STK38: variants seen among roughly 807,000 people sequenced by gnomAD.
The protein encoded by STK38 is serine/threonine-protein kinase 38.
Under a neutral mutation model 59.0 loss-of-function variants are expected in STK38, and 26 were observed. That is an observed-to-expected ratio of 0.44 (90% CI 0.32 to 0.61). The LOEUF (loss-of-function observed/expected upper bound fraction) is 0.61, where lower values mean the gene tolerates loss of function less well. STK38 is among the 20% of genes least tolerant of loss of function. STK38 has a pLI of 0.04. For synonymous variants in STK38, 175 were observed against 176.6 expected, an observed-to-expected ratio of 0.99 and a Z score of 0.07; for missense variants, 433 against 566.0, an observed-to-expected ratio of 0.76 and a Z score of 2.38.
intron 5 of STK38, 37 bp downstream of exon 5, chr6:36,521,697 T>C (rs1777378852): frequency 5.4e-6 from 8 of 1,492,138 alleles, no homozygotes; most frequent in South Asian, 1.4e-5. Flanking sequence ...GAGACAAAAA[T>C]TAATAAGCTA....
chr6:36,503,621 C>G (rs1304362268), intron 9 of STK38, among the ~76,000 whole-genome samples: 1 of 152,100 alleles, frequency 6.6e-6, no homozygotes, highest in East Asian at 1.9e-4. Flanking sequence ...GAGGTTTACT[C>G]TACCAAAGAT....
chr6:36,507,178 G>C (rs1776983641), intron 8 of STK38, among the ~76,000 whole-genome samples: 1 of 150,182 alleles, frequency 6.7e-6, no homozygotes, highest in Admixed American at 6.6e-5. Context: ...GACAAATCTA[G>C]CCCAGGACAA....
intron 9 of STK38, among the ~76,000 whole-genome samples, 161 bp downstream of exon 9, chr6:36,506,422 T>C (rs62402200): frequency 0.024 from 3,631 of 152,306 alleles, 49 homozygotes; most frequent in Non-Finnish European, 0.027. Flanking sequence ...CTTCAAAAGA[T>C]TCCTTTCGGT....
At chr6:36,513,472 G>A (rs932903357) in intron 7 of STK38, among the ~76,000 whole-genome samples, 4 of 150,676 alleles carry the variant, frequency 2.7e-5, no homozygotes, top group Non-Finnish European at 4.4e-5. Context: ...ACTCCACCAC[G>A]CCCAGCTGAT....
Position 36,545,334 on chromosome 6 carries a change from C to T in STK38, c.-6+1856G>A, listed in dbSNP as rs570984136. ...AAAAAAAGAATAAAGACTACATTTA[C>T]ACTGATGGATATATCAAAAATGCTT... On this transcript the variant is annotated intron_variant, in intron 1 of 13. Transcript: ENST00000229812. 5.0e-5 allele frequency among the ~76,000 whole-genome samples: 7 copies of T among 139,222 alleles called. No homozygotes were observed. The South Asian group carries it at 9.7e-4, about 19-fold the overall frequency. The allele number at this position is 139,222 out of a possible 152,430, so 91.3% of individuals were successfully genotyped here. A position where few individuals can be genotyped will look rare whatever the true frequency, so the allele number is the denominator to read the frequency against.
At chr6:36,501,547 ATT>A (rs757800622) in intron 9 of STK38, among the ~76,000 whole-genome samples, 8 of 137,498 alleles carry the variant, frequency 5.8e-5, no homozygotes, top group African/African-American at 2.0e-4. Context: ...GTCTCAGATC[ATT>A]TGTCTTTTTT....
chr6:36,498,306 A>G, intron 11 of STK38, 57 bp downstream of exon 11: 1 of 1,572,248 alleles, frequency 6.4e-7, no homozygotes. Context: ...TTTTAAAAAA[A>G]TGGAATCATT....
Position 36,517,765 on chromosome 6 carries a change from A to C in STK38, c.466T>G (p.Phe156Val). 6.2e-7 allele frequency: 1 copy of C among 1,614,148 alleles called. No individual in the cohort carries two copies. The highest frequency in any genetic ancestry group is 8.5e-7 in the Non-Finnish European group (1 of 1,179,998). The stretch of plus-strand genomic sequence containing the variant: ...AGGTAGAGGTTTAGCTTATCCTGAA[A>C]ACTATAGAACATTTTCACAACCCAC... ...SLWVVKMFYSFQDKLNLYLIM... is the reference protein window; with the variant it reads ...SLWVVKMFYSVQDKLNLYLIM... The change falls in exon 6 of 14, where the codon TTT becomes GTT. Residue 156 changes from phenylalanine to valine, a missense_variant. Coordinates refer to ENST00000229812, the MANE Select transcript of STK38 (RefSeq NM_007271.4).
At chr6:36,522,855 CAAA>C (rs1200049731) in intron 4 of STK38, among the ~76,000 whole-genome samples, 2 of 66,560 alleles carry the variant, frequency 3.0e-5, no homozygotes, top group South Asian at 6.5e-4. Context: ...GACTCTGTCT[CAAA>C]AAAAAAAAAA....
chr6:36,501,635 G>A (rs1368741302), intron 9 of STK38, among the ~76,000 whole-genome samples: 4 of 147,992 alleles, frequency 2.7e-5, no homozygotes. Flanking sequence ...ACATTGGCCA[G>A]GCTGGTCACA....
At chr6:36,516,823 G>T (rs1777266412) in intron 6 of STK38, among the ~76,000 whole-genome samples, 1 of 152,204 alleles carries the variant, frequency 6.6e-6, no homozygotes, top group South Asian at 2.1e-4. Flanking sequence ...CAAAGGGCAG[G>T]GTCCAGGAGA....
At chr6:36,544,297 C>T (rs1778009207) in intron 1 of STK38, among the ~76,000 whole-genome samples, 1 of 151,224 alleles carries the variant, frequency 6.6e-6, no homozygotes, top group African/African-American at 2.4e-5. Flanking sequence ...AAAGCAAACT[C>T]AAATGTTTTA....
At chr6:36,511,573 G>T (rs1777109195) in intron 7 of STK38, among the ~76,000 whole-genome samples, 1 of 151,490 alleles carries the variant, frequency 6.6e-6, no homozygotes. Flanking sequence ...GGCCAGGCTG[G>T]TCTTGAACTC....
chr6:36,545,448 T>C (rs1020312032), intron 1 of STK38, among the ~76,000 whole-genome samples: 2 of 152,106 alleles, frequency 1.3e-5, no homozygotes, highest in South Asian at 2.1e-4. Context: ...TGCTCAAATA[T>C]TAGACCAACA....
Position 36,507,556 on chromosome 6 carries a change from T to C in STK38, c.716A>G (p.Lys239Arg). The C allele has an allele frequency of 6.2e-7, 1 of 1,614,120 alleles. No individual in the cohort carries two copies. The highest frequency in any genetic ancestry group is 8.5e-7 in the Non-Finnish European group (1 of 1,179,992). The stretch of plus-strand genomic sequence containing the variant: ...CCTATAAAATTCTGTCCTATGTGCT[T>C]TTTTCAGTCCTGTGCAAAGACCAAA... ...SDFGLCTGLK[K>R]AHRTEFYRNL... The change falls in exon 8 of 14, where the codon AAA (lysine) becomes AGA (arginine). Residue 239 changes from lysine (K) to arginine (R), a missense_variant. By Grantham distance (26) the Lys-to-Arg change is conservative. Around this residue, in one of 3 missense-constraint regions of STK38, gnomAD observed 293 missense variants for 388.2 expected, o/e 0.75. Transcript: ENST00000229812.
intron 7 of STK38, among the ~76,000 whole-genome samples, chr6:36,513,518 T>C (rs1777162923): frequency 6.6e-6 from 1 of 151,608 alleles, no homozygotes; most frequent in Admixed American, 6.6e-5. Flanking sequence ...TTTCACCATG[T>C]TGGCCAGGAT....
chr6:36,498,589 C>CTT (rs374274208), intron 10 of STK38, 103 bp from the exon 11 acceptor site: 2,706 of 932,164 alleles, frequency 2.9e-3, no homozygotes, highest in Middle Eastern at 4.7e-3. Flanking sequence ...TTTCTTTTTT[C>CTT]TTTTTTTTTT....
At chr6:36,501,974 G>T (rs9470297) in intron 9 of STK38, among the ~76,000 whole-genome samples, 36,078 of 151,992 alleles carry the variant, frequency 0.24, 4,516 homozygotes, top group East Asian at 0.39. Context: ...TGAGCCTTGG[G>T]TTATAAGCAT....
At chr6:36,527,329 T>TAC (rs139104829) in intron 2 of STK38, among the ~76,000 whole-genome samples, 1 of 145,110 alleles carries the variant, frequency 6.9e-6, no homozygotes, top group Admixed American at 7.0e-5. Context: ...CACATATATA[T>TAC]ACACACACAT....
Sources: gnomAD v4.1 joint callset for allele counts (sites outside exome capture counted in the v4.1 genomes callset) on GRCh38, gnomAD v4.1.1 for gene constraint, gnomAD v4.1.1 regional missense constraint, MANE v1.5 for transcripts, NCBI Gene and HGNC (gene_info 2026-07-23, HGNC 2026-07-21) for gene names.